DCAF4L1: variants seen among roughly 807,000 people sequenced by gnomAD.
DCAF4L1 encodes the protein DDB1 and CUL4 associated factor 4 like 1.
Under a neutral mutation model 28.2 loss-of-function variants are expected in DCAF4L1, and 4 were observed. The observed-to-expected ratio is 0.14, with a 90% confidence interval of 0.07 to 0.33. The LOEUF (loss-of-function observed/expected upper bound fraction) is 0.33. DCAF4L1 is among the 10% of genes least tolerant of loss of function. DCAF4L1 has a pLI of 1.00. For synonymous variants in DCAF4L1, 252 were observed against 212.1 expected, an observed-to-expected ratio of 1.19 and a Z score of -1.63; for missense variants, 331 against 506.1, an observed-to-expected ratio of 0.65 and a Z score of 3.32.
rs775790730 is a variant in DCAF4L1, at chr4:41,982,323, C to T, written c.531C>T (p.Leu177=). The T allele has an allele frequency of 1.2e-6, 2 of 1,614,222 alleles. No homozygotes were observed. The highest frequency in any genetic ancestry group is 2.2e-5 in the South Asian group (2 of 91,088). ...VHTRVNQPGM[L]CSFQIPEAWS... ...CAAGAGTTAACCAGCCTGGCATGCT[C>T]TGCAGTTTCCAGATCCCAGAGGCCT... Residue 177 remains leucine, a synonymous_variant, in exon 1 of 1, where the codon CTC becomes CTT. Transcript: ENST00000333141. This position sits in a 1 kb window ranked among gnomAD's most constrained non-coding sequence, Gnocchi z 4.4.
Position 41,984,658 on chromosome 4 carries a change from A to G in DCAF4L1, c.*1675A>G, listed in dbSNP as rs1714093834. On this transcript the variant is annotated 3_prime_UTR_variant, in exon 1 of 1. Coordinates refer to ENST00000333141, the MANE Select transcript of DCAF4L1 (RefSeq NM_001029955.4). ...AGTTTTAGACATCTACTAAACCTCC[A>G]ATTGGAGATACAAAGTATTCTGCAG... 1 of 167,080 alleles carries G rather than the reference A, an allele frequency of 6.0e-6. No homozygotes were observed. Among genetic ancestry groups the G allele is most frequent in the African/African-American group, 2.4e-5 (1 of 41,452 alleles). 10.3% of individuals were successfully genotyped at this position (167,080 alleles called of 1,614,324 possible).
Position 41,983,980 on chromosome 4 carries a change from C to T in DCAF4L1, c.*997C>T, listed in dbSNP as rs1456464295. 6.0e-6 allele frequency: 1 copy of T among 165,546 alleles called. No individual in the cohort carries two copies. Among genetic ancestry groups the T allele is most frequent in the African/African-American group, 2.4e-5 (1 of 41,400 alleles). 10.3% of individuals were successfully genotyped at this position (165,546 alleles called of 1,614,324 possible). The stretch of plus-strand genomic sequence containing the variant: ...GTATGGACCAATCTCAACATGTTGA[C>T]TGAAATTAGGTAGAAATGAGTACAA... On this transcript the variant is annotated 3_prime_UTR_variant, in exon 1 of 1. Transcript: ENST00000333141.
Position 41,984,541 on chromosome 4 carries a change from T to C in DCAF4L1, c.*1558T>C. ...CTGCAAGCTCTGAGGATGGCAGCTTTTTTGTTAACTTTAGAACTGGTAGAT... is the reference window on the plus strand; with the variant it reads ...CTGCAAGCTCTGAGGATGGCAGCTTCTTTGTTAACTTTAGAACTGGTAGAT... On this transcript the variant is annotated 3_prime_UTR_variant, in exon 1 of 1. Coordinates refer to ENST00000333141, the MANE Select transcript of DCAF4L1 (RefSeq NM_001029955.4). The C allele has an allele frequency of 6.0e-6, 1 of 165,798 alleles. No individual in the cohort carries two copies. The highest frequency in any genetic ancestry group is 6.7e-5 in the Admixed American group (1 of 14,968). The allele number at this position is 165,798 out of a possible 1,614,324, so 10.3% of individuals were successfully genotyped here. A position where few individuals can be genotyped will look rare whatever the true frequency, so the allele number is the denominator to read the frequency against.
rs767257709 is a variant in DCAF4L1 at position 41,981,836 on chromosome 4, T to C, written c.44T>C (p.Leu15Pro). 1 of 1,614,048 alleles carries C rather than the reference T, an allele frequency of 6.2e-7. No individual in the cohort carries two copies. Among genetic ancestry groups the C allele is most frequent in the African/African-American group, 1.3e-5 (1 of 74,916 alleles). Reference protein sequence around the residue: ...RLRLLEEEAKLKKVARMGFNA... With the variant: ...RLRLLEEEAKPKKVARMGFNA... ...CGACTCCTCGAGGAAGAGGCCAAGCTGAAAAAGGTAGCCAGAATGGGATTT... is the reference window on the plus strand; with the variant it reads ...CGACTCCTCGAGGAAGAGGCCAAGCCGAAAAAGGTAGCCAGAATGGGATTT... Residue 15 changes from leucine (L) to proline (P), a missense_variant, in exon 1 of 1, where the codon CTG becomes CCG. Leu to Pro is a moderately conservative substitution (Grantham distance 98). Transcript: ENST00000333141.
Position 41,981,872 on chromosome 4 carries a change from C to G in DCAF4L1, c.80C>G (p.Ser27Cys). ...KVARMGFNAS[S>C]MLRKSQLGFL... ...GCCAGAATGGGATTTAATGCATCTT[C>G]CATGCTCCGAAAAAGCCAGCTAGGT... Residue 27 changes from serine to cysteine, a missense_variant, in exon 1 of 1, where the codon TCC becomes TGC. Ser to Cys is a moderately radical substitution (Grantham distance 112, BLOSUM62 -1). Coordinates refer to ENST00000333141, the MANE Select transcript of DCAF4L1 (RefSeq NM_001029955.4). 6.2e-7 allele frequency: 1 copy of G among 1,614,240 alleles called. No homozygotes were observed.
rs1220442704 is a variant in DCAF4L1, at chr4:41,983,776, G to A, written c.*793G>A. 1 of 166,950 alleles carries A rather than the reference G, an allele frequency of 6.0e-6. No individual in the cohort carries two copies. Among genetic ancestry groups the A allele is most frequent in the African/African-American group, 2.4e-5 (1 of 41,422 alleles). 10.3% of individuals were successfully genotyped at this position (166,950 alleles called of 1,614,324 possible). A position where few individuals can be genotyped will look rare whatever the true frequency, so the allele number is the denominator to read the frequency against. Reference sequence around the variant, plus strand: ...TGAGAGATTTATTAAAAATGTTAAAGAGCCTGTTTTTCTACTAAGCAAGGA... The same window carrying A: ...TGAGAGATTTATTAAAAATGTTAAAAAGCCTGTTTTTCTACTAAGCAAGGA... On this transcript the variant is annotated 3_prime_UTR_variant, in exon 1 of 1. Transcript: ENST00000333141.
At position 41,982,622 on chromosome 4, in the gene DCAF4L1, A is replaced by G; in HGVS notation, c.830A>G (p.Gln277Arg). 1 of 1,614,240 alleles carries G rather than the reference A, an allele frequency of 6.2e-7. No individual in the cohort carries two copies. Among genetic ancestry groups the G allele is most frequent in the Non-Finnish European group, 8.5e-7 (1 of 1,180,044 alleles). Residue 277 changes from glutamine to arginine, a missense_variant, in exon 1 of 1, where the codon CAA becomes CGA. Gln to Arg is a conservative substitution (Grantham distance 43). Transcript: ENST00000333141. This position sits in a 1 kb window ranked among gnomAD's most constrained non-coding sequence, Gnocchi z 4.4. ...LFHDSAVTSV[Q>R]ILQEEQCLMA... ...CATGACTCAGCAGTGACCTCTGTGC[A>G]AATCCTCCAAGAAGAGCAATGCCTG...
Position 41,981,784 on chromosome 4 carries a change from C to T in DCAF4L1, c.-9C>T. ...ATTTCCTGTCACGAGGAACATTCCGCAGGAGGAAATGGAGGCTGAAAGGCT... is the reference window on the plus strand; with the variant it reads ...ATTTCCTGTCACGAGGAACATTCCGTAGGAGGAAATGGAGGCTGAAAGGCT... On this transcript the variant is annotated 5_prime_UTR_variant, in exon 1 of 1. Coordinates refer to ENST00000333141, the MANE Select transcript of DCAF4L1 (RefSeq NM_001029955.4). The T allele has an allele frequency of 6.2e-7, 1 of 1,611,490 alleles. No individual in the cohort carries two copies. The highest frequency in any genetic ancestry group is 8.5e-7 in the Non-Finnish European group (1 of 1,178,178).
chr4:41,981,765 T>C lies in DCAF4L1; in HGVS notation c.-28T>C, dbSNP rs1713987548. The C allele has an allele frequency of 6.2e-7, 1 of 1,601,152 alleles. No individual in the cohort carries two copies. The highest frequency in any genetic ancestry group is 1.7e-5 in the Admixed American group (1 of 59,242). On this transcript the variant is annotated 5_prime_UTR_variant, in exon 1 of 1. Coordinates refer to ENST00000333141, the MANE Select transcript of DCAF4L1 (RefSeq NM_001029955.4). ...GAGAAGAACATCCTGCAGAATTTCC[T>C]GTCACGAGGAACATTCCGCAGGAGG...
At position 41,985,030 on chromosome 4, in the gene DCAF4L1, A is replaced by T. The variant is rs906686100; in HGVS notation, c.*2047A>T. On this transcript the variant is annotated 3_prime_UTR_variant, in exon 1 of 1. Transcript: ENST00000333141. ...ATCTTGTCCCTTTTACATTGTAAGC[A>T]TTCAAAATAAAACAAAACAATTAAT... 6.0e-6 allele frequency: 1 copy of T among 167,100 alleles called. No homozygotes were observed. 10.4% of individuals were successfully genotyped at this position (167,100 alleles called of 1,614,324 possible).
rs781177452 is a variant in DCAF4L1, at chr4:41,982,798, T to C, written c.1006T>C (p.Cys336Arg). The C allele has an allele frequency of 6.2e-7, 1 of 1,614,178 alleles. No individual in the cohort carries two copies. Among genetic ancestry groups the C allele is most frequent in the Admixed American group, 1.7e-5 (1 of 60,022 alleles). Residue 336 changes from cysteine to arginine, a missense_variant, in exon 1 of 1, where the codon TGC becomes CGC. By Grantham distance (180) the Cys-to-Arg change is radical. Transcript: ENST00000333141. The surrounding 1 kb of genome is among the most constrained non-coding windows in gnomAD (Gnocchi z 4.4). ...EGIVVAVGQD[C>R]YTRIWSLHDA... ...AATCGTGGTGGCAGTGGGCCAGGACTGCTACACGAGAATCTGGAGCCTCCA... is the reference window on the plus strand; with the variant it reads ...AATCGTGGTGGCAGTGGGCCAGGACCGCTACACGAGAATCTGGAGCCTCCA...
rs954083046 is a variant in DCAF4L1, at chr4:41,982,756, G to C, written c.964G>C (p.Val322Leu). 1.2e-6 allele frequency: 2 copies of C among 1,614,088 alleles called. No homozygotes were observed. Among genetic ancestry groups the C allele is most frequent in the Admixed American group, 3.3e-5 (2 of 60,002 alleles). Residue 322 changes from valine (V) to leucine (L), a missense_variant, in exon 1 of 1, where the codon GTG becomes CTG. Physicochemically the swap from Val to Leu is conservative, Grantham distance 32. Coordinates refer to ENST00000333141, the MANE Select transcript of DCAF4L1 (RefSeq NM_001029955.4). The surrounding 1 kb of genome is among the most constrained non-coding windows in gnomAD (Gnocchi z 4.4). ...VNESAYLPLHVHEEEGIVVAV... is the reference protein window; with the variant it reads ...VNESAYLPLHLHEEEGIVVAV... ...TGAGTCCGCCTATCTGCCCCTGCAT[G>C]TGCACGAGGAAGAGGGAATCGTGGT...
At position 41,985,048 on chromosome 4, in the gene DCAF4L1, CAATT is replaced by C. The variant is rs779437600; in HGVS notation, c.*2069_*2072del. The C allele has an allele frequency of 5.3e-4, 89 of 166,778 alleles. No homozygotes were observed. The highest frequency in any genetic ancestry group is 1.1e-3 in the African/African-American group (46 of 41,450). 10.3% of individuals were successfully genotyped at this position (166,778 alleles called of 1,614,324 possible). A position where few individuals can be genotyped will look rare whatever the true frequency, so the allele number is the denominator to read the frequency against. Reference sequence around the variant, plus strand: ...TGTAAGCATTCAAAATAAAACAAAACAATTAATGAAGAAAAGACATTGCAATCAT... The same window carrying C: ...TGTAAGCATTCAAAATAAAACAAAACAATGAAGAAAAGACATTGCAATCAT... On this transcript the variant is annotated 3_prime_UTR_variant, in exon 1 of 1. Transcript: ENST00000333141.
At position 41,985,244 on chromosome 4, in the gene DCAF4L1, C is replaced by T. The variant is rs1024207744; in HGVS notation, c.*2261C>T. On this transcript the variant is annotated 3_prime_UTR_variant, in exon 1 of 1. Transcript: ENST00000333141. Reference sequence around the variant, plus strand: ...AAAAAAAATCAGTAAGAAAAACACACCTAAAAGAAAGGGAGGCAATAGTCT... The same window carrying T: ...AAAAAAAATCAGTAAGAAAAACACATCTAAAAGAAAGGGAGGCAATAGTCT... 1 of 166,588 alleles carries T rather than the reference C, an allele frequency of 6.0e-6. No homozygotes were observed. The highest frequency in any genetic ancestry group is 1.5e-5 in the Non-Finnish European group (1 of 68,024). 10.3% of individuals were successfully genotyped at this position (166,588 alleles called of 1,614,324 possible).
chr4:41,982,593 G>C lies in DCAF4L1; in HGVS notation c.801G>C (p.Leu267=), dbSNP rs1464133383. ...GCAAGGGGTGGAGGGCCACTCGCCT[G>C]TTCCATGACTCAGCAGTGACCTCTG... The part of the protein sequence containing the change: ...NRGKGWRATR[L]FHDSAVTSVQ... Residue 267 remains leucine (L), a synonymous_variant, in exon 1 of 1, where the codon CTG becomes CTC. Coordinates refer to ENST00000333141, the MANE Select transcript of DCAF4L1 (RefSeq NM_001029955.4). The surrounding 1 kb of genome is among the most constrained non-coding windows in gnomAD (Gnocchi z 4.4). 7 of 1,614,250 alleles carry C rather than the reference G, an allele frequency of 4.3e-6. No individual in the cohort carries two copies. Among genetic ancestry groups the C allele is most frequent in the Non-Finnish European group, 5.9e-6 (7 of 1,180,042 alleles).
At position 41,982,543 on chromosome 4, in the gene DCAF4L1, A is replaced by C. The variant is rs774731610; in HGVS notation, c.751A>C (p.Ile251Leu). 1.2e-6 allele frequency: 2 copies of C among 1,614,058 alleles called. No individual in the cohort carries two copies. The highest frequency in any genetic ancestry group is 2.7e-5 in the African/African-American group (2 of 74,918). The change falls in exon 1 of 1, where the codon ATT becomes CTT. Residue 251 changes from isoleucine to leucine, a missense_variant. Transcript: ENST00000333141. The surrounding 1 kb of genome is among the most constrained non-coding windows in gnomAD (Gnocchi z 4.4). ...NGCRSGEIFA[I>L]DLRCRNRGKG... ...CTGTCGCTCCGGGGAGATCTTTGCC[A>C]TTGATCTGCGTTGTAGAAATCGAGG... is the stretch of plus-strand genomic sequence containing the variant.
Position 41,982,042 on chromosome 4 carries a change from G to A in DCAF4L1, c.250G>A (p.Asp84Asn). The change falls in exon 1 of 1, where the codon GAC becomes AAC. Residue 84 changes from aspartate to asparagine, a missense_variant. Physicochemically the swap from Asp to Asn is conservative, Grantham distance 23 (BLOSUM62 1). Coordinates refer to ENST00000333141, the MANE Select transcript of DCAF4L1 (RefSeq NM_001029955.4). This position sits in a 1 kb window ranked among gnomAD's most constrained non-coding sequence, Gnocchi z 4.4. ...CTTCATTCTGGCGAGTACCAACAGC[G>A]ACCAGCTCTTCGTAGTGAACCAGGT... Reference protein sequence around the residue: ...FNFILASTNSDQLFVVNQVEV... With the variant: ...FNFILASTNSNQLFVVNQVEV... 6.2e-7 allele frequency: 1 copy of A among 1,614,156 alleles called. No homozygotes were observed. The highest frequency in any genetic ancestry group is 1.1e-5 in the South Asian group (1 of 91,068).
In DCAF4L1 at chr4:41,983,068, A is replaced by T. The variant is rs1714041781; in HGVS notation, c.*85A>T. Reference sequence around the variant, plus strand: ...ATTACCGTTTCTGTGAGAGCATTTTAAGAGACGTGTTGTATATAGATCGCA... The same window carrying T: ...ATTACCGTTTCTGTGAGAGCATTTTTAGAGACGTGTTGTATATAGATCGCA... On this transcript the variant is annotated 3_prime_UTR_variant, in exon 1 of 1. Coordinates refer to ENST00000333141, the MANE Select transcript of DCAF4L1 (RefSeq NM_001029955.4). 1 of 1,261,792 alleles carries T rather than the reference A, an allele frequency of 7.9e-7. No homozygotes were observed. Among genetic ancestry groups the T allele is most frequent in the Middle Eastern group, 1.9e-4 (1 of 5,194 alleles). The allele number at this position is 1,261,792 out of a possible 1,614,324, so 78.2% of individuals were successfully genotyped here. A position where few individuals can be genotyped will look rare whatever the true frequency, so the allele number is the denominator to read the frequency against.
In DCAF4L1 at chr4:41,982,030, A is replaced by G. The variant is rs1281126042; in HGVS notation, c.238A>G (p.Ser80Gly). 1 of 1,614,090 alleles carries G rather than the reference A, an allele frequency of 6.2e-7. No individual in the cohort carries two copies. Among genetic ancestry groups the G allele is most frequent in the Non-Finnish European group, 8.5e-7 (1 of 1,180,044 alleles). The change falls in exon 1 of 1, where the codon AGT becomes GGT. Residue 80 changes from serine (S) to glycine (G), a missense_variant. By Grantham distance (56) the Ser-to-Gly change is moderately conservative. Transcript: ENST00000333141. This position sits in a 1 kb window ranked among gnomAD's most constrained non-coding sequence, Gnocchi z 4.4. ...CGACCGATTTAACTTCATTCTGGCG[A>G]GTACCAACAGCGACCAGCTCTTCGT... ...ASDRFNFILA[S>G]TNSDQLFVVN...
Sources: allele counts gnomAD v4.1 joint callset, GRCh38; gene constraint gnomAD v4.1.1; non-coding constraint Gnocchi (gnomAD v3.1); transcripts MANE v1.5; gene names NCBI Gene and HGNC (gene_info 2026-07-23, HGNC 2026-07-21).